SYNE2: variants seen among roughly 807,000 people sequenced by gnomAD.
SYNE2 encodes the protein nesprin-2.
SYNE2 carries 431 observed loss-of-function variants against 856.3 expected under a neutral mutation model. That is an observed-to-expected ratio of 0.50 (90% CI 0.47 to 0.55). SYNE2 has a LOEUF of 0.55. Among genes scored for constraint, SYNE2 ranks in the 20% least tolerant of loss-of-function variants. The probability of loss-of-function intolerance (pLI) is 0.00; values close to 1 mark genes in which losing one functional copy is unlikely to be tolerated. For synonymous variants in SYNE2, 2,923 were observed against 2,872.3 expected (o/e 1.02, Z -0.56); for missense variants, 8,129 against 8,023.2 (o/e 1.01, Z -0.50).
intron 1 of SYNE2, among the ~76,000 whole-genome samples, chr14:63,831,993 G>A (rs867694122): frequency 6.6e-6 from 1 of 151,728 alleles, no homozygotes; most frequent in African/African-American, 2.4e-5. Flanking sequence ...AGATTTTTCA[G>A]TATTTTATTC....
chr14:64,031,118 A>G lies in SYNE2; in HGVS notation c.6982A>G (p.Ile2328Val), dbSNP rs1446356923. 6.2e-7 allele frequency: 1 copy of G among 1,614,018 alleles called. No homozygotes were observed. The highest frequency in any genetic ancestry group is 1.3e-5 in the African/African-American group (1 of 74,954). ...QNTSSVGQKIIKDDIKSLQCK... is the reference protein window; with the variant it reads ...QNTSSVGQKIVKDDIKSLQCK... Reference sequence around the variant, plus strand: ...TACATCTTCAGTGGGGCAGAAGATTATTAAAGATGATATAAAATCACTTCA... The same window carrying G: ...TACATCTTCAGTGGGGCAGAAGATTGTTAAAGATGATATAAAATCACTTCA... Residue 2328 changes from isoleucine to valine, a missense_variant, in exon 45 of 116, where the codon ATT becomes GTT. Coordinates refer to ENST00000555002, the MANE Select transcript of SYNE2 (RefSeq NM_182914.3).
At chr14:63,863,979 G>T (rs1489119027) in intron 1 of SYNE2, among the ~76,000 whole-genome samples, 1 of 151,994 alleles carries the variant, frequency 6.6e-6, no homozygotes, top group Non-Finnish European at 1.5e-5. Context: ...ACGGCACCAC[G>T]CTTGACTAAT....
intron 109 of SYNE2, 88 bp downstream of exon 109, chr14:64,218,600 A>T: frequency 7.7e-7 from 1 of 1,290,954 alleles, no homozygotes; most frequent in African/African-American, 1.4e-5. Flanking sequence ...ATATTAACCA[A>T]CTATACGATT....
chr14:64,008,575 G>A (rs975448945), intron 31 of SYNE2, among the ~76,000 whole-genome samples: 1 of 152,134 alleles, frequency 6.6e-6, no homozygotes, highest in Non-Finnish European at 1.5e-5. Flanking sequence ...GACTGCTTTG[G>A]AGGGATTCAG....
chr14:64,023,563 A>C (rs2096954036), intron 38 of SYNE2: 1 of 152,704 alleles, frequency 6.5e-6, no homozygotes, highest in African/African-American at 2.4e-5. Context: ...TATTTCTTTT[A>C]AAAATTGCCG....
At chr14:63,984,239 C>T (rs1250040549) in intron 18 of SYNE2, among the ~76,000 whole-genome samples, 3 of 151,696 alleles carry the variant, frequency 2.0e-5, no homozygotes, top group East Asian at 1.9e-4. Context: ...GTAAGACTCC[C>T]GTCTCAAAAA....
chr14:64,036,209 A>G (rs1472973855), intron 45 of SYNE2, among the ~76,000 whole-genome samples: 1 of 151,718 alleles, frequency 6.6e-6, no homozygotes, highest in African/African-American at 2.4e-5. Context: ...TAAAAAAAAA[A>G]AAAATCACCT....
chr14:63,922,032 C>G (rs928265740), intron 2 of SYNE2, among the ~76,000 whole-genome samples: 12 of 152,208 alleles, frequency 7.9e-5, no homozygotes, highest in African/African-American at 2.9e-4. Flanking sequence ...GAGACAGGGT[C>G]TCACTTTGTC....
At chr14:64,081,866 C>T (rs1304445190) in intron 57 of SYNE2, among the ~76,000 whole-genome samples, 1 of 151,968 alleles carries the variant, frequency 6.6e-6, no homozygotes, top group Non-Finnish European at 1.5e-5. Flanking sequence ...GTGGGCGGAT[C>T]ACAAGGTTAG....
At chr14:64,193,870 G>C (rs2098529175) in intron 99 of SYNE2, among the ~76,000 whole-genome samples, 1 of 152,200 alleles carries the variant, frequency 6.6e-6, no homozygotes, top group Non-Finnish European at 1.5e-5. Flanking sequence ...TGCAAAGTCA[G>C]TGTGATTCTT....
At chr14:63,902,784 C>T (rs190329597) in intron 1 of SYNE2, among the ~76,000 whole-genome samples, 16 of 152,084 alleles carry the variant, frequency 1.1e-4, no homozygotes, top group African/African-American at 3.6e-4. Context: ...GCCTTGACCT[C>T]CTGGCCTCAA....
chr14:63,932,027 A>G (rs2095763072), intron 2 of SYNE2, among the ~76,000 whole-genome samples: 1 of 152,238 alleles, frequency 6.6e-6, no homozygotes. Flanking sequence ...AAAAGATTCA[A>G]CAAAGTATTG....
chr14:63,867,435 C>A (rs550727829), intron 1 of SYNE2, among the ~76,000 whole-genome samples: 1 of 149,146 alleles, frequency 6.7e-6, no homozygotes. Context: ...TGGTGGCTCA[C>A]GCCTGTAATC....
intron 51 of SYNE2, among the ~76,000 whole-genome samples, chr14:64,070,147 G>A (rs1040570676): frequency 6.6e-6 from 1 of 152,168 alleles, no homozygotes; most frequent in South Asian, 2.1e-4. Flanking sequence ...TACTTCACTG[G>A]TTTGGTAATT....
At chr14:64,030,899 G>A (rs957495389) in intron 44 of SYNE2, 117 bp from the exon 45 acceptor site, 15 of 817,272 alleles carry the variant, frequency 1.8e-5, no homozygotes, top group African/African-American at 3.5e-5. Flanking sequence ...TGTGATATGA[G>A]TTGTTAAGTT....
chr14:63,988,172 G>C (rs948158690), intron 19 of SYNE2, among the ~76,000 whole-genome samples: 1 of 152,126 alleles, frequency 6.6e-6, no homozygotes, highest in Non-Finnish European at 1.5e-5. Context: ...GACCTCCCCA[G>C]GTTCAAGTGA....
chr14:64,219,100 T>TG (rs2098680677), intron 109 of SYNE2, 108 bp from the exon 110 acceptor site: 3 of 749,250 alleles, frequency 4.0e-6, no homozygotes, highest in Admixed American at 3.2e-5. Context: ...CCTACAGTTT[T>TG]TTTGTTTTTT....
At chr14:64,166,601 G>T (rs948716537) in intron 90 of SYNE2, among the ~76,000 whole-genome samples, 1 of 152,178 alleles carries the variant, frequency 6.6e-6, no homozygotes, top group Admixed American at 6.5e-5. Flanking sequence ...TGAAGGCCAG[G>T]TTATTGGCAG....
intron 1 of SYNE2, among the ~76,000 whole-genome samples, chr14:63,889,865 A>T (rs1211976895): frequency 2.6e-5 from 4 of 152,066 alleles, no homozygotes; most frequent in African/African-American, 9.7e-5. Context: ...ATCCATTTTT[A>T]TGCTGTGGTT....
Sources: allele counts gnomAD v4.1 joint callset (sites outside exome capture counted in the v4.1 genomes callset), GRCh38; gene constraint gnomAD v4.1.1; transcripts MANE v1.5; gene names NCBI Gene and HGNC (gene_info 2026-07-23, HGNC 2026-07-21).